The following CAMK2D variants were observed in gnomAD, a reference collection of about 807,000 sequenced individuals.
CAMK2D encodes calcium/calmodulin dependent protein kinase II delta, also known as calcium/calmodulin-dependent protein kinase type II subunit delta.
Under a neutral mutation model 84.0 loss-of-function variants are expected in CAMK2D, and 37 were observed. The ratio of observed to expected loss-of-function variants is 0.44; its 90% confidence interval spans 0.34 to 0.58. CAMK2D has a LOEUF of 0.58. Among genes scored for constraint, CAMK2D ranks in the 20% least tolerant of loss-of-function variants. The pLI, the probability that CAMK2D is intolerant of heterozygous loss-of-function variation, is 0.02. For missense variants in CAMK2D, 448 were observed against 652.5 expected, an observed-to-expected ratio of 0.69 and a Z score of 3.41; for synonymous variants, 202 against 212.5, an observed-to-expected ratio of 0.95 and a Z score of 0.43.
chr4:113,469,438 C>T (rs1228158632), intron 16 of CAMK2D, among the ~76,000 whole-genome samples: 6 of 152,322 alleles, frequency 3.9e-5, no homozygotes, highest in African/African-American at 1.4e-4. Flanking sequence ...TTATCCTTCT[C>T]TACCTGGATA....
At chr4:113,741,933 G>A (rs1024525838) in intron 2 of CAMK2D, among the ~76,000 whole-genome samples, 9 of 152,080 alleles carry the variant, frequency 5.9e-5, no homozygotes, top group African/African-American at 1.7e-4. Context: ...TCTTTTCATC[G>A]TTAATGCCTC....
intron 3 of CAMK2D, among the ~76,000 whole-genome samples, chr4:113,612,536 C>T (rs997135694): frequency 6.6e-6 from 1 of 152,194 alleles, no homozygotes; most frequent in African/African-American, 2.4e-5. Context: ...CTCGTTCTTT[C>T]TATGACTGCT....
At chr4:113,567,856 A>G (rs2098733208) in intron 4 of CAMK2D, among the ~76,000 whole-genome samples, 1 of 152,238 alleles carries the variant, frequency 6.6e-6, no homozygotes, top group Non-Finnish European at 1.5e-5. Context: ...TAGGTACCCA[A>G]TAAACATTAG....
chr4:113,507,576 G>A (rs1248660112), intron 13 of CAMK2D, among the ~76,000 whole-genome samples: 2 of 151,770 alleles, frequency 1.3e-5, no homozygotes, highest in East Asian at 3.9e-4. Flanking sequence ...GCCCATAGAT[G>A]TCTTTTAAAA....
chr4:113,672,893 A>G (rs2099297307), intron 2 of CAMK2D, among the ~76,000 whole-genome samples: 2 of 152,208 alleles, frequency 1.3e-5, no homozygotes, highest in Admixed American at 1.3e-4. Flanking sequence ...AATATGTAAA[A>G]CTATGACATA....
chr4:113,534,068 C>G (rs941886550), intron 7 of CAMK2D, among the ~76,000 whole-genome samples: 1 of 151,902 alleles, frequency 6.6e-6, no homozygotes, highest in Non-Finnish European at 1.5e-5. Flanking sequence ...AAGAAAGAGT[C>G]CTGCTCTTTA....
At chr4:113,647,086 T>A (rs1446996627) in intron 3 of CAMK2D, among the ~76,000 whole-genome samples, 4 of 152,204 alleles carry the variant, frequency 2.6e-5, no homozygotes, top group African/African-American at 9.7e-5. Flanking sequence ...TTCAGATTAA[T>A]TGGGGAAAAG....
chr4:113,534,520 T>C (rs73841674), intron 7 of CAMK2D, among the ~76,000 whole-genome samples: 50 of 152,318 alleles, frequency 3.3e-4, no homozygotes, highest in African/African-American at 1.2e-3. Flanking sequence ...GGAAATTTTA[T>C]TGCTGAGCTG....
intron 3 of CAMK2D, among the ~76,000 whole-genome samples, chr4:113,629,654 CCT>C (rs1218104210): frequency 2.0e-5 from 3 of 151,226 alleles, no homozygotes; most frequent in Non-Finnish European, 4.4e-5. Context: ...ATTTGTTATA[CCT>C]CTCTCAGTTT....
chr4:113,532,425 A>T (rs1372604024), intron 7 of CAMK2D, among the ~76,000 whole-genome samples: 1 of 152,178 alleles, frequency 6.6e-6, no homozygotes, highest in African/African-American at 2.4e-5. Context: ...CTCAAACTCG[A>T]CTTGAAATAA....
chr4:113,502,409 TAAC>T (rs996143320), intron 15 of CAMK2D, among the ~76,000 whole-genome samples: 29 of 111,208 alleles, frequency 2.6e-4, no homozygotes, highest in South Asian at 3.1e-4. Context: ...ACAACAACAA[TAAC>T]AACAATAACA....
At chr4:113,582,896 T>C (rs2098817181) in intron 4 of CAMK2D, among the ~76,000 whole-genome samples, 1 of 152,238 alleles carries the variant, frequency 6.6e-6, no homozygotes, top group Admixed American at 6.5e-5. Flanking sequence ...TGGAAATGCT[T>C]GGGAGATAAA....
intron 4 of CAMK2D, among the ~76,000 whole-genome samples, chr4:113,576,838 A>C (rs1187052613): frequency 1.3e-5 from 2 of 152,118 alleles, no homozygotes; most frequent in Non-Finnish European, 2.9e-5. Flanking sequence ...AGACATTAGC[A>C]TTCTCATGCA....
chr4:113,697,039 A>G (rs2099405058), intron 2 of CAMK2D, among the ~76,000 whole-genome samples: 1 of 152,140 alleles, frequency 6.6e-6, no homozygotes, highest in African/African-American at 2.4e-5. Flanking sequence ...AGGAGTCTTG[A>G]TTTGGTACAG....
chr4:113,521,924 G>C (rs1051054499), intron 8 of CAMK2D, among the ~76,000 whole-genome samples: 1 of 152,096 alleles, frequency 6.6e-6, no homozygotes, highest in East Asian at 1.9e-4. Context: ...TGTTTCACAT[G>C]TTCCATGACA....
chr4:113,577,909 C>T (rs1460974683), intron 4 of CAMK2D, among the ~76,000 whole-genome samples: 5 of 152,068 alleles, frequency 3.3e-5, no homozygotes, highest in African/African-American at 1.2e-4. Context: ...CTTTCCCTTC[C>T]ATAAATAACA....
At chr4:113,473,061 C>T (rs2097565734) in intron 16 of CAMK2D, among the ~76,000 whole-genome samples, 1 of 152,142 alleles carries the variant, frequency 6.6e-6, no homozygotes, top group Admixed American at 6.6e-5. Flanking sequence ...CTTTCCAGCC[C>T]ACAGTGCTTT....
chr4:113,739,940 C>A (rs1349780117), intron 2 of CAMK2D, among the ~76,000 whole-genome samples: 1 of 152,118 alleles, frequency 6.6e-6, no homozygotes, highest in African/African-American at 2.4e-5. Flanking sequence ...TAGCCCTTGA[C>A]CCCTTCCATC....
chr4:113,469,974 T>C (rs1168062052), intron 16 of CAMK2D, among the ~76,000 whole-genome samples: 2 of 152,204 alleles, frequency 1.3e-5, no homozygotes, highest in Non-Finnish European at 2.9e-5. Flanking sequence ...CCAATTTTGC[T>C]CTTCACTATT....
Sources: allele counts gnomAD v4.1 joint callset (sites outside exome capture counted in the v4.1 genomes callset), GRCh38; gene constraint gnomAD v4.1.1; transcripts MANE v1.5; gene names NCBI Gene and HGNC (gene_info 2026-07-23, HGNC 2026-07-21).